Variants in SLC24A2 observed in about 807,000 individuals in gnomAD.
The protein encoded by SLC24A2 is sodium/potassium/calcium exchanger 2.
Under a neutral mutation model 62.0 loss-of-function variants are expected in SLC24A2, and 36 were observed. The ratio of observed to expected loss-of-function variants is 0.58; its 90% CI spans 0.44 to 0.77. The LOEUF is 0.77. SLC24A2 is among the 30% of genes least tolerant of loss of function. The pLI is 0.00. For synonymous variants in SLC24A2, 358 were observed against 294.0 expected (o/e 1.22, Z -2.23); for missense variants, 846 against 817.9 (o/e 1.03, Z -0.42).
intron 8 of SLC24A2, among the ~76,000 whole-genome samples, chr9:19,534,493 G>A (rs1327547517): frequency 2.6e-5 from 4 of 152,002 alleles, no homozygotes; most frequent in Non-Finnish European, 4.4e-5. Flanking sequence ...TTGTCCTAAT[G>A]TTCTCCCTCC....
the SLC24A2 span, among the ~76,000 whole-genome samples, chr9:19,896,685 A>ACTC: frequency 4.0e-3 from 614 of 152,090 alleles, 9 homozygotes; most frequent in African/African-American, 0.014. Flanking sequence ...GGTCAGTCTG[A>ACTC]CTCTCAGAGC....
At chr9:20,127,533 G>A in the SLC24A2 span, among the ~76,000 whole-genome samples, 1 of 152,252 alleles carries the variant, frequency 6.6e-6, no homozygotes, top group Admixed American at 6.5e-5. Context: ...TTAATCCCCA[G>A]TTTCATCTCT....
At chr9:19,942,118 T>A in the SLC24A2 span, among the ~76,000 whole-genome samples, 1 of 152,202 alleles carries the variant, frequency 6.6e-6, no homozygotes, top group Non-Finnish European at 1.5e-5. Flanking sequence ...TTATGCATAT[T>A]TTATCTCATT....
chr9:19,606,602 C>G (rs957059334), intron 4 of SLC24A2, among the ~76,000 whole-genome samples: 11 of 152,188 alleles, frequency 7.2e-5, no homozygotes, highest in African/African-American at 2.2e-4. Context: ...ACTCATATGT[C>G]AGCTTGCAAT....
the SLC24A2 span, among the ~76,000 whole-genome samples, chr9:19,996,005 C>G: frequency 2.0e-5 from 3 of 152,314 alleles, no homozygotes; most frequent in Admixed American, 6.5e-5. Context: ...CTACTTTCAA[C>G]CTTTTTAAGA....
At position 19,633,429 on chromosome 9, in the gene SLC24A2, T is replaced by C. The variant is rs760388469; in HGVS notation, c.931-11130A>G. On this transcript the variant is annotated intron_variant, in intron 2 of 10. Transcript: ENST00000341998. ...ATTCTTACCAGCAATGTGTGAGTGA[T>C]GAAGTGTTTCTGCTTTCTAGTAGCA... Among the ~76,000 whole-genome samples, 163 of 152,270 alleles carry C rather than the reference T, an allele frequency of 1.1e-3. 2 individuals are homozygous for C. Among genetic ancestry groups the C allele is most frequent in the Non-Finnish European group, 3.2e-4 (22 of 68,042 alleles).
chr9:19,677,094 C>A (rs983370582), intron 2 of SLC24A2, among the ~76,000 whole-genome samples: 1 of 152,140 alleles, frequency 6.6e-6, no homozygotes, highest in African/African-American at 2.4e-5. Flanking sequence ...ATACCCAAAG[C>A]AATATAAATC....
chr9:19,840,949 T>C, the SLC24A2 span, among the ~76,000 whole-genome samples: 3 of 152,202 alleles, frequency 2.0e-5, no homozygotes, highest in African/African-American at 7.2e-5. Context: ...TATTGATGAG[T>C]AATTTTCCAT....
At chr9:20,226,107 GC>G in the SLC24A2 span, among the ~76,000 whole-genome samples, 1 of 152,100 alleles carries the variant, frequency 6.6e-6, no homozygotes, top group South Asian at 2.1e-4. Context: ...AGTTCCAGCA[GC>G]CAATTATATT....
At chr9:19,872,791 T>C in the SLC24A2 span, among the ~76,000 whole-genome samples, 1 of 152,212 alleles carries the variant, frequency 6.6e-6, no homozygotes, top group Non-Finnish European at 1.5e-5. Flanking sequence ...ATTTTGGCAG[T>C]CCTGGGTCTT....
the SLC24A2 span, among the ~76,000 whole-genome samples, chr9:20,049,517 G>A: frequency 1.4e-4 from 21 of 151,842 alleles, no homozygotes; most frequent in Non-Finnish European, 1.2e-4. Context: ...CTCTAAATAC[G>A]AACACTGACA....
intron 2 of SLC24A2, among the ~76,000 whole-genome samples, chr9:19,683,627 G>A (rs1819788235): frequency 6.6e-6 from 1 of 150,904 alleles, no homozygotes; most frequent in Admixed American, 6.6e-5. Context: ...ACAATATTTA[G>A]TTCATTTTCC....
the SLC24A2 span, among the ~76,000 whole-genome samples, chr9:20,253,627 G>A: frequency 6.6e-6 from 1 of 152,114 alleles, no homozygotes; most frequent in Admixed American, 6.5e-5. Context: ...CTAATCTCTG[G>A]GGAAGTGGGG....
chr9:19,686,487 A>G (rs1057071610), intron 2 of SLC24A2, among the ~76,000 whole-genome samples: 24 of 152,040 alleles, frequency 1.6e-4, no homozygotes, highest in Admixed American at 1.2e-3. Context: ...CCCCACCCAA[A>G]TCTCATCTTG....
At chr9:19,712,949 C>T (rs1820756115) in intron 2 of SLC24A2, among the ~76,000 whole-genome samples, 1 of 152,126 alleles carries the variant, frequency 6.6e-6, no homozygotes, top group South Asian at 2.1e-4. Flanking sequence ...GGCAAAGTCA[C>T]CCTGGTTGAG....
the SLC24A2 span, among the ~76,000 whole-genome samples, chr9:19,838,768 T>G: frequency 7.3e-6 from 1 of 137,456 alleles, no homozygotes; most frequent in Non-Finnish European, 1.6e-5. Context: ...TTTCCTAATT[T>G]AAAAAAAAAA....
At chr9:19,520,052 C>T (rs950849615) in intron 10 of SLC24A2, among the ~76,000 whole-genome samples, 2 of 152,082 alleles carry the variant, frequency 1.3e-5, no homozygotes, top group African/African-American at 4.8e-5. Context: ...ACACAGTGCA[C>T]ATGGTAGACA....
chr9:19,633,542 T>C (rs1402005556), intron 2 of SLC24A2, among the ~76,000 whole-genome samples: 3 of 152,218 alleles, frequency 2.0e-5, no homozygotes, highest in Non-Finnish European at 4.4e-5. Context: ...ATTTTCATTT[T>C]TATTTTTGTA....
chr9:19,842,840 A>G, the SLC24A2 span, among the ~76,000 whole-genome samples: 1 of 152,214 alleles, frequency 6.6e-6, no homozygotes, highest in African/African-American at 2.4e-5. Context: ...AGCTCAGATC[A>G]CTAAGCTTCC....
Sources: allele counts gnomAD v4.1 joint callset (sites outside exome capture counted in the v4.1 genomes callset), GRCh38; gene constraint gnomAD v4.1.1; transcripts MANE v1.5; gene names NCBI Gene and HGNC (gene_info 2026-07-23, HGNC 2026-07-21).